TDRD1: variants seen among roughly 807,000 people sequenced by gnomAD.
TDRD1 encodes the protein tudor domain containing 1, also known as tudor domain-containing protein 1.
In TDRD1, 37 loss-of-function variants were observed where a neutral mutation model predicts 140.6. The ratio of observed to expected loss-of-function variants is 0.26; its 90% CI spans 0.20 to 0.35. The LOEUF (loss-of-function observed/expected upper bound fraction) is 0.35. TDRD1 is among the 10% of genes least tolerant of loss of function. The pLI is 1.00. For missense variants in TDRD1, 1,243 were observed against 1,393.0 expected (o/e 0.89, Z 1.71); for synonymous variants, 506 against 475.7 (o/e 1.06, Z -0.83).
chr10:114,201,316 C>T (rs1310975214), intron 4 of TDRD1, 94 bp from the exon 5 acceptor site: 2 of 977,482 alleles, frequency 2.0e-6, no homozygotes, highest in Non-Finnish European at 3.2e-6. Flanking sequence ...GCACAATTCT[C>T]TTGCCATGGC....
At chr10:114,205,080 G>T (rs2132997733) in intron 10 of TDRD1, among the ~76,000 whole-genome samples, 187 bp downstream of exon 10, 1 of 152,302 alleles carries the variant, frequency 6.6e-6, no homozygotes, top group South Asian at 2.1e-4. Flanking sequence ...GAATTAGGTG[G>T]CTGGCTAGAT....
upstream of TDRD1, among the ~76,000 whole-genome samples, chr10:114,177,073 G>T (rs12257959): frequency 0.26 from 39,119 of 151,788 alleles, 5,347 homozygotes; most frequent in African/African-American, 0.33. Context: ...TTTTGGATTA[G>T]AAAAGTATAA....
chr10:114,217,588 C>A (rs1360398974), exon 17 of TDRD1: 1 of 1,604,840 alleles, frequency 6.2e-7, no homozygotes, highest in Admixed American at 1.7e-5. Context: ...TAGCAGAACA[C>A]TGCCAGCAGA....
At chr10:114,226,303 T>C (rs1212294526) in intron 22 of TDRD1, 87 bp downstream of exon 22, 5 of 899,850 alleles carry the variant, frequency 5.6e-6, no homozygotes, top group Non-Finnish European at 8.4e-6. Flanking sequence ...CGGAATCAAA[T>C]GGGTATTTCC....
At chr10:114,222,621 A>T in exon 21 of TDRD1, 2 of 1,612,500 alleles carry the variant, frequency 1.2e-6, no homozygotes, top group Non-Finnish European at 1.7e-6. Flanking sequence ...TGACAGCTGA[A>T]TTATTAGAAT....
chr10:114,178,007 T>A (rs2032753307), upstream of TDRD1, among the ~76,000 whole-genome samples: 1 of 151,728 alleles, frequency 6.6e-6, no homozygotes, highest in Non-Finnish European at 1.5e-5. Flanking sequence ...TAATTTTTTT[T>A]TATTTTTTTA....
chr10:114,222,410 C>A (rs997932151), intron 20 of TDRD1, among the ~76,000 whole-genome samples, 177 bp from the exon 21 acceptor site: 5 of 152,094 alleles, frequency 3.3e-5, no homozygotes, highest in African/African-American at 1.2e-4. Flanking sequence ...TTGCAAATGG[C>A]AACCAATAGT....
At chr10:114,221,457 T>G in exon 20 of TDRD1, 2 of 1,613,474 alleles carry the variant, frequency 1.2e-6, no homozygotes, top group Non-Finnish European at 1.7e-6. Context: ...TGTTTTATGC[T>G]CTACCAAAAG....
At chr10:114,211,763 A>G (rs923299814) in intron 13 of TDRD1, 103 bp from the exon 14 acceptor site, 1 of 1,202,750 alleles carries the variant, frequency 8.3e-7, no homozygotes, top group Admixed American at 3.0e-5. Context: ...GATATCTATT[A>G]AAGAAAAATC....
intron 3 of TDRD1, among the ~76,000 whole-genome samples, chr10:114,197,883 T>C (rs945667573): frequency 1.3e-5 from 2 of 152,148 alleles, no homozygotes; most frequent in African/African-American, 4.8e-5. Context: ...CTTGAACTCA[T>C]GACCTCAAGA....
chr10:114,223,764 C>T (rs1358577991), intron 21 of TDRD1, among the ~76,000 whole-genome samples: 1 of 152,160 alleles, frequency 6.6e-6, no homozygotes, highest in Non-Finnish European at 1.5e-5. Context: ...TGTTAGTGTT[C>T]TATAGACTGT....
intron 25 of TDRD1, chr10:114,228,582 C>T (rs67266329): frequency 0.16 from 156,268 of 985,120 alleles, 12,720 homozygotes; most frequent in Middle Eastern, 0.22. Context: ...GGGCCAAGAA[C>T]GGAAAGTGGG....
chr10:114,178,241 T>C (rs963940835), upstream of TDRD1, among the ~76,000 whole-genome samples: 12 of 152,120 alleles, frequency 7.9e-5, no homozygotes, highest in African/African-American at 2.7e-4. Flanking sequence ...TTTTAAAGAA[T>C]TGAAGTTAGT....
chr10:114,211,819 A>G (rs909008387), intron 13 of TDRD1, 47 bp from the exon 14 acceptor site: 5 of 1,469,068 alleles, frequency 3.4e-6, no homozygotes, highest in South Asian at 1.6e-5. Context: ...TTTTATTTAC[A>G]TCTACAGTGG....
intron 6 of TDRD1, among the ~76,000 whole-genome samples, 171 bp downstream of exon 6, chr10:114,202,469 C>T (rs1163709977): frequency 1.3e-5 from 2 of 152,110 alleles, no homozygotes; most frequent in African/African-American, 2.4e-5. Flanking sequence ...AGAATTACTT[C>T]ATCTTTTTTT....
intron 5 of TDRD1, 127 bp downstream of exon 5, chr10:114,201,642 G>T: frequency 1.5e-6 from 1 of 674,116 alleles, no homozygotes; most frequent in East Asian, 2.8e-5. Flanking sequence ...ATAACAAAGT[G>T]TACAAATCTG....
At chr10:114,187,504 G>A (rs1002339971) in intron 1 of TDRD1, among the ~76,000 whole-genome samples, 15 of 152,172 alleles carry the variant, frequency 9.9e-5, no homozygotes, top group African/African-American at 2.7e-4. Context: ...CTTTAGGTTG[G>A]GAATATTTTA....
At chr10:114,178,474 C>T (rs1373011834), upstream of TDRD1, among the ~76,000 whole-genome samples, 3 of 152,090 alleles carry the variant, frequency 2.0e-5, no homozygotes, top group Admixed American at 6.5e-5. Context: ...TAATCTTGTC[C>T]GTTAGGTACA....
chr10:114,200,352 G>C (rs1485252173), intron 4 of TDRD1, among the ~76,000 whole-genome samples: 1 of 150,998 alleles, frequency 6.6e-6, no homozygotes, highest in African/African-American at 2.5e-5. Flanking sequence ...CAGACTGGTT[G>C]GTGGTTACTT....
Sources: gnomAD v4.1 joint callset for allele counts (sites outside exome capture counted in the v4.1 genomes callset) on GRCh38, gnomAD v4.1.1 for gene constraint, MANE v1.5 for transcripts, NCBI Gene and HGNC (gene_info 2026-07-23, HGNC 2026-07-21) for gene names.